Variants in GATAD2A observed in about 807,000 individuals in gnomAD.
GATAD2A encodes GATA zinc finger domain containing 2A.
Under a neutral mutation model 68.5 loss-of-function variants are expected in GATAD2A, and 12 were observed. The observed-to-expected ratio is 0.18, with a 90% confidence interval of 0.11 to 0.28. GATAD2A has a LOEUF of 0.28. GATAD2A is among the 10% of genes least tolerant of loss of function. GATAD2A has a pLI of 1.00. For synonymous variants in GATAD2A, 410 were observed against 375.3 expected (o/e 1.09, Z -1.07); for missense variants, 755 against 868.5 (o/e 0.87, Z 1.64).
At chr19:19,414,837 C>CTTTTT (rs56353005) in intron 1 of GATAD2A, among the ~76,000 whole-genome samples, 1 of 74,758 alleles carries the variant, frequency 1.3e-5, no homozygotes, top group Non-Finnish European at 2.5e-5. Flanking sequence ...ACCCTGCCCC[C>CTTTTT]TTTTTTTTTT....
chr19:19,503,897 T>C (rs1028462739), intron 11 of GATAD2A, among the ~76,000 whole-genome samples: 1 of 152,118 alleles, frequency 6.6e-6, no homozygotes, highest in South Asian at 2.1e-4. Context: ...CCACAAAATG[T>C]ATTAGCCACC....
At position 19,483,710 on chromosome 19, in the gene GATAD2A, G is replaced by A. The variant is rs1227606263; in HGVS notation, c.270-8596G>A. Among the ~76,000 whole-genome samples the A allele has an allele frequency of 5.9e-5, 9 of 152,030 alleles. No individual in the cohort carries two copies. In the East Asian group the frequency reaches 1.5e-3, roughly 26 times the overall value. ...GCTCACTGCAAACTCCACCTCCCGG[G>A]TTCACGCCATTCTGCTGCCTCAGCC... is the stretch of plus-strand genomic sequence containing the variant. On this transcript the variant is annotated intron_variant, in intron 2 of 11. Coordinates refer to ENST00000683918, the MANE Select transcript of GATAD2A (RefSeq NM_001384528.1).
At chr19:19,425,225 A>G (rs749110299) in intron 1 of GATAD2A, among the ~76,000 whole-genome samples, 5 of 152,094 alleles carry the variant, frequency 3.3e-5, no homozygotes, top group Admixed American at 6.5e-5. Flanking sequence ...TTGGGTGGCA[A>G]TTTGTTGGGG....
intron 10 of GATAD2A, 92 bp from the exon 11 acceptor site, chr19:19,502,236 AGAG>A (rs2060580451): frequency 9.4e-7 from 1 of 1,067,780 alleles, no homozygotes; most frequent in Non-Finnish European, 1.4e-6. Context: ...GTGGGTGGGA[AGAG>A]GTCAGCCAGA....
chr19:19,502,556 GA>G, intron 11 of GATAD2A, 30 bp downstream of exon 11: 2 of 1,543,574 alleles, frequency 1.3e-6, no homozygotes, highest in East Asian at 2.3e-5. Context: ...CTCCCCAGGG[GA>G]CCTGCCCATT....
intron 2 of GATAD2A, among the ~76,000 whole-genome samples, chr19:19,471,280 A>T (rs1836444192): frequency 2.6e-5 from 4 of 151,628 alleles, no homozygotes; most frequent in Admixed American, 2.6e-4. Flanking sequence ...AAGTGGAAGC[A>T]ACCCAGTGTC....
intron 2 of GATAD2A, among the ~76,000 whole-genome samples, chr19:19,468,138 A>G (rs2058018580): frequency 6.6e-6 from 1 of 152,260 alleles, no homozygotes; most frequent in Admixed American, 6.5e-5. Context: ...GCTGAATTTC[A>G]GGTGAGAACA....
At chr19:19,442,781 A>C (rs1031916745) in intron 1 of GATAD2A, among the ~76,000 whole-genome samples, 7 of 152,038 alleles carry the variant, frequency 4.6e-5, no homozygotes, top group African/African-American at 1.7e-4. Flanking sequence ...GAAAAAAAAA[A>C]AAAAAAACCC....
Position 19,498,296 on chromosome 19 carries a change from A to T in GATAD2A, c.925-147A>T, listed in dbSNP as rs915663704. 22 of 692,998 alleles carry T rather than the reference A, an allele frequency of 3.2e-5. No homozygotes were observed. The Admixed American group carries it at 6.2e-4, about 20-fold the overall frequency. The allele number at this position is 692,998 out of a possible 1,614,324, so 42.9% of individuals were successfully genotyped here. ...CTGCCCTGGCTTCTGAGAGCCTGTT[A>T]TCATGGCTGGGTTCACTTTTGTTAA... On this transcript the variant is annotated intron_variant, in intron 7 of 11. Transcript: ENST00000683918.
chr19:19,434,950 A>C, intron 1 of GATAD2A: 1 of 356,396 alleles, frequency 2.8e-6, no homozygotes, highest in Non-Finnish European at 6.2e-6. Context: ...GGGTAAACCT[A>C]GCACTGCCTT....
At chr19:19,399,239 A>T (rs544349607) in intron 1 of GATAD2A, among the ~76,000 whole-genome samples, 43 of 151,352 alleles carry the variant, frequency 2.8e-4, no homozygotes, top group Non-Finnish European at 1.3e-4. Flanking sequence ...AACAAACAAA[A>T]ACCTACTTTT....
At chr19:19,480,402 T>C (rs1474121010) in intron 2 of GATAD2A, among the ~76,000 whole-genome samples, 1 of 152,258 alleles carries the variant, frequency 6.6e-6, no homozygotes, top group Admixed American at 6.5e-5. Flanking sequence ...AATATAAGTT[T>C]TCCAAAATTC....
intron 1 of GATAD2A, among the ~76,000 whole-genome samples, chr19:19,390,813 A>G (rs2048793732): frequency 6.6e-6 from 1 of 152,134 alleles, no homozygotes; most frequent in African/African-American, 2.4e-5. Flanking sequence ...ACACTTTAGA[A>G]CCTTGAAAGA....
At chr19:19,411,939 G>A (rs1284239995) in intron 1 of GATAD2A, among the ~76,000 whole-genome samples, 1 of 152,028 alleles carries the variant, frequency 6.6e-6, no homozygotes, top group East Asian at 1.9e-4. Context: ...CAATTTGGAG[G>A]CCTAAGAGTC....
chr19:19,454,917 GATT>G (rs1214635926), intron 1 of GATAD2A, among the ~76,000 whole-genome samples: 1 of 152,202 alleles, frequency 6.6e-6, no homozygotes, highest in African/African-American at 2.4e-5. Flanking sequence ...CTAGGCTAGG[GATT>G]GGAAAACTAT....
At chr19:19,388,816 A>G (rs2048642217) in intron 1 of GATAD2A, among the ~76,000 whole-genome samples, 1 of 151,978 alleles carries the variant, frequency 6.6e-6, no homozygotes, top group Non-Finnish European at 1.5e-5. Flanking sequence ...AGGAAAAGAA[A>G]ACTCTCCTTC....
chr19:19,470,770 A>G (rs1385506100), intron 2 of GATAD2A, among the ~76,000 whole-genome samples: 1 of 152,328 alleles, frequency 6.6e-6, no homozygotes, highest in East Asian at 1.9e-4. Flanking sequence ...AAAGGAAGTA[A>G]CAAGTGTTGA....
At chr19:19,454,508 A>G (rs2056732791) in intron 1 of GATAD2A, among the ~76,000 whole-genome samples, 1 of 151,878 alleles carries the variant, frequency 6.6e-6, no homozygotes, top group Non-Finnish European at 1.5e-5. Flanking sequence ...CTGAGGTAGG[A>G]AGATCGCTTG....
chr19:19,507,178 G>C lies in GATAD2A; in HGVS notation c.*1704G>C, dbSNP rs1408226711. ...TGGGGAAGGGTGGCTTTCATTCCAA[G>C]ATCCAGGGATTTGGGGAAAAGGAAG... On this transcript the variant is annotated 3_prime_UTR_variant, in exon 12 of 12. Coordinates refer to ENST00000683918, the MANE Select transcript of GATAD2A (RefSeq NM_001384528.1). 7.3e-6 allele frequency: 1 copy of C among 136,736 alleles called. No individual in the cohort carries two copies. Among genetic ancestry groups the C allele is most frequent in the Non-Finnish European group, 1.5e-5 (1 of 64,794 alleles). 8.5% of individuals were successfully genotyped at this position (136,736 alleles called of 1,614,324 possible).
Sources: gnomAD v4.1 joint callset for allele counts (sites outside exome capture counted in the v4.1 genomes callset) on GRCh38, gnomAD v4.1.1 for gene constraint, MANE v1.5 for transcripts, NCBI Gene and HGNC (gene_info 2026-07-23, HGNC 2026-07-21) for gene names.